RALGPS1: variants seen among roughly 807,000 people sequenced by gnomAD.
RALGPS1 encodes the protein ras-specific guanine nucleotide-releasing factor RalGPS1.
In RALGPS1, 19 loss-of-function variants were observed where a neutral mutation model predicts 78.8. That is an observed-to-expected ratio of 0.24 (90% confidence interval 0.17 to 0.35). The LOEUF is 0.35. RALGPS1 is among the 10% of genes least tolerant of loss of function. The pLI is 1.00. For synonymous variants in RALGPS1, 228 were observed against 256.3 expected (o/e 0.89, Z 1.06); for missense variants, 454 against 688.3 (o/e 0.66, Z 3.81).
intron 8 of RALGPS1, among the ~76,000 whole-genome samples, chr9:127,095,853 T>C (rs2053070038): frequency 2.0e-5 from 3 of 152,214 alleles, no homozygotes; most frequent in Non-Finnish European, 4.4e-5. Context: ...GGAAGAAGCC[T>C]TGTGTTTGAG....
chr9:127,177,941 A>G, intron 11 of RALGPS1: 1 of 1,548,658 alleles, frequency 6.5e-7, no homozygotes, highest in South Asian at 1.2e-5. Context: ...CTCCAGCATC[A>G]GAGCCCTGGC....
chr9:127,047,551 T>G (rs2135243272), intron 5 of RALGPS1, among the ~76,000 whole-genome samples: 1 of 152,022 alleles, frequency 6.6e-6, no homozygotes. Context: ...ATACAAAAAT[T>G]AGCCAGGTGT....
intron 8 of RALGPS1, among the ~76,000 whole-genome samples, chr9:127,148,659 C>T (rs2058239890): frequency 6.6e-6 from 1 of 152,094 alleles, no homozygotes; most frequent in Non-Finnish European, 1.5e-5. Flanking sequence ...GGTGTTCAAA[C>T]CAGGTCTCCC....
At chr9:126,960,708 T>C (rs1346121189) in intron 1 of RALGPS1, among the ~76,000 whole-genome samples, 2 of 152,180 alleles carry the variant, frequency 1.3e-5, no homozygotes, top group African/African-American at 2.4e-5. Context: ...CAGTGACCTT[T>C]GGGCTAGATC....
At chr9:127,141,475 C>T (rs113995134) in intron 8 of RALGPS1, among the ~76,000 whole-genome samples, 197 of 152,204 alleles carry the variant, frequency 1.3e-3, no homozygotes, top group African/African-American at 4.6e-3. Flanking sequence ...ACAGTCCATG[C>T]CAACCAACAG....
At chr9:126,976,216 TTG>T (rs1408606023) in intron 3 of RALGPS1, among the ~76,000 whole-genome samples, 2 of 152,132 alleles carry the variant, frequency 1.3e-5, no homozygotes, top group African/African-American at 4.8e-5. Flanking sequence ...AGCTTATGTA[TTG>T]GTCAGGAACC....
At chr9:127,044,632 A>T (rs996893665) in intron 5 of RALGPS1, among the ~76,000 whole-genome samples, 1 of 152,152 alleles carries the variant, frequency 6.6e-6, no homozygotes, top group South Asian at 2.1e-4. Context: ...TTACATGAGT[A>T]TATTGCATGA....
intron 4 of RALGPS1, among the ~76,000 whole-genome samples, chr9:126,994,682 C>A (rs1342167954): frequency 6.6e-6 from 1 of 152,094 alleles, no homozygotes; most frequent in Non-Finnish European, 1.5e-5. Flanking sequence ...ACAGAGAATG[C>A]CACAAAGATA....
chr9:127,210,549 A>C lies in RALGPS1; in HGVS notation c.1248-1582A>C, dbSNP rs994663744. 9.5e-6 allele frequency: 6 copies of C among 629,302 alleles called. No homozygotes were observed. In the East Asian group the frequency reaches 1.6e-4, roughly 17 times the overall value. The allele number at this position is 629,302 out of a possible 1,614,324, so 39.0% of individuals were successfully genotyped here. On this transcript the variant is annotated intron_variant, in intron 14 of 18. Transcript: ENST00000259351. ...AGGTGTGCTTGTAGTGTGGCCGAGG[A>C]GGCTGGGGAGGAGTTGGGGAGGGAG...
At chr9:127,192,100 G>A (rs911332520) in intron 11 of RALGPS1, among the ~76,000 whole-genome samples, 5 of 152,224 alleles carry the variant, frequency 3.3e-5, no homozygotes, top group Non-Finnish European at 4.4e-5. Context: ...TTAGCTTCAC[G>A]TTTTTCAAAT....
At chr9:126,922,575 TCC>T (rs2034874515) in intron 1 of RALGPS1, among the ~76,000 whole-genome samples, 1 of 152,222 alleles carries the variant, frequency 6.6e-6, no homozygotes, top group African/African-American at 2.4e-5. Context: ...AGAGGATTAG[TCC>T]TCTGTGCATC....
At chr9:127,059,700 C>T (rs920543279) in intron 7 of RALGPS1, among the ~76,000 whole-genome samples, 3 of 152,004 alleles carry the variant, frequency 2.0e-5, no homozygotes, top group African/African-American at 7.3e-5. Context: ...CTCTCTCCTG[C>T]ACCCTAGAAC....
chr9:127,175,595 C>A (rs928328634), intron 11 of RALGPS1, among the ~76,000 whole-genome samples: 15 of 151,988 alleles, frequency 9.9e-5, no homozygotes, highest in African/African-American at 3.6e-4. Context: ...ACTTCCTCCC[C>A]CTGGTTTGCG....
intron 8 of RALGPS1, among the ~76,000 whole-genome samples, chr9:127,072,226 T>G (rs2050268020): frequency 6.6e-6 from 1 of 152,214 alleles, no homozygotes; most frequent in Admixed American, 6.5e-5. Context: ...ATCCATTTGT[T>G]TTTTTAGACA....
intron 4 of RALGPS1, 69 bp downstream of exon 4, chr9:126,977,814 G>GT (rs2040818170): frequency 4.3e-6 from 5 of 1,161,620 alleles, no homozygotes; most frequent in African/African-American, 1.6e-5. Context: ...GCCAGCCACT[G>GT]TTAGAGTGTC....
chr9:127,117,598 C>T (rs1211344245), intron 8 of RALGPS1, among the ~76,000 whole-genome samples: 1 of 152,216 alleles, frequency 6.6e-6, no homozygotes, highest in East Asian at 1.9e-4. Context: ...GGCACCTGAC[C>T]TAGCCTCAGA....
At chr9:126,949,732 G>A (rs1201453942) in intron 1 of RALGPS1, among the ~76,000 whole-genome samples, 1 of 151,964 alleles carries the variant, frequency 6.6e-6, no homozygotes, top group Non-Finnish European at 1.5e-5. Context: ...CAGATGAGTA[G>A]GTTGTGAAAA....
chr9:126,995,420 A>G (rs548253732), intron 4 of RALGPS1, among the ~76,000 whole-genome samples: 1 of 152,362 alleles, frequency 6.6e-6, no homozygotes, highest in African/African-American at 2.4e-5. Flanking sequence ...AACAAAGATC[A>G]AAAGAGACAA....
intron 6 of RALGPS1, among the ~76,000 whole-genome samples, 186 bp downstream of exon 6, chr9:127,050,318 T>C (rs1589214975): frequency 6.6e-6 from 1 of 152,172 alleles, no homozygotes; most frequent in African/African-American, 2.4e-5. Flanking sequence ...GGGTGCTCAC[T>C]AGCCCCCTAG....
Sources: gnomAD v4.1 joint callset for allele counts (sites outside exome capture counted in the v4.1 genomes callset) on GRCh38, gnomAD v4.1.1 for gene constraint, MANE v1.5 for transcripts, NCBI Gene and HGNC (gene_info 2026-07-23, HGNC 2026-07-21) for gene names.